Variants in SLC39A9 observed in about 807,000 individuals in gnomAD.
SLC39A9 encodes the protein zinc transporter ZIP9.
SLC39A9 carries 14 observed loss-of-function variants against 28.4 expected under a neutral mutation model. The ratio of observed to expected loss-of-function variants is 0.49; its 90% CI spans 0.33 to 0.77. SLC39A9 has a LOEUF of 0.77. Ranked by LOEUF, SLC39A9 falls within the 30% of genes least tolerant of loss-of-function variation. The pLI is 0.02. For missense variants in SLC39A9, 283 were observed against 381.1 expected, an observed-to-expected ratio of 0.74 and a Z score of 2.14; for synonymous variants, 119 against 149.6, an observed-to-expected ratio of 0.80 and a Z score of 1.49.
chr14:69,446,235 G>A (rs545893766), intron 3 of SLC39A9, among the ~76,000 whole-genome samples: 5 of 151,136 alleles, frequency 3.3e-5, no homozygotes, highest in East Asian at 1.9e-4. Context: ...TATTGGACTC[G>A]GGATTTCTAA....
chr14:69,450,107 T>G (rs1885533020), intron 3 of SLC39A9, among the ~76,000 whole-genome samples: 1 of 152,036 alleles, frequency 6.6e-6, no homozygotes, highest in Non-Finnish European at 1.5e-5. Context: ...AAGAATCGCT[T>G]GAACCTGGGA....
At chr14:69,424,030 C>T (rs992680685) in intron 1 of SLC39A9, 64 bp from the exon 2 acceptor site, 4 of 1,212,724 alleles carry the variant, frequency 3.3e-6, no homozygotes, top group South Asian at 1.3e-5. Context: ...ATTACAGATA[C>T]TTGAGAAACT....
intron 2 of SLC39A9, among the ~76,000 whole-genome samples, chr14:69,426,524 A>G (rs1884200790): frequency 1.3e-5 from 2 of 152,250 alleles, no homozygotes; most frequent in African/African-American, 4.8e-5. Context: ...CTCCTGGCAC[A>G]TGGATGAATT....
chr14:69,439,905 A>C (rs1884959263), intron 2 of SLC39A9, among the ~76,000 whole-genome samples: 2 of 152,142 alleles, frequency 1.3e-5, no homozygotes, highest in African/African-American at 4.8e-5. Context: ...ACCTTAATAG[A>C]ACGATCCTAA....
At chr14:69,422,088 G>C (rs1027142104) in intron 1 of SLC39A9, among the ~76,000 whole-genome samples, 1 of 152,096 alleles carries the variant, frequency 6.6e-6, no homozygotes, top group Non-Finnish European at 1.5e-5. Context: ...CTTCTGCGTC[G>C]ATCACACTGG....
intron 2 of SLC39A9, among the ~76,000 whole-genome samples, chr14:69,426,615 GT>G (rs1268518527): frequency 2.0e-5 from 3 of 152,142 alleles, no homozygotes; most frequent in Non-Finnish European, 4.4e-5. Context: ...TTTTATGGAA[GT>G]TTCAAGATGT....
At chr14:69,414,513 G>A (rs983404002) in intron 1 of SLC39A9, among the ~76,000 whole-genome samples, 3 of 152,216 alleles carry the variant, frequency 2.0e-5, no homozygotes, top group Non-Finnish European at 4.4e-5. Flanking sequence ...ATTCGAATTA[G>A]ATCTCTGACC....
chr14:69,442,443 C>T (rs1393387459), intron 3 of SLC39A9, among the ~76,000 whole-genome samples, 177 bp downstream of exon 3: 2 of 152,164 alleles, frequency 1.3e-5, no homozygotes, highest in African/African-American at 2.4e-5. Flanking sequence ...TGGCATGTGG[C>T]GCAAAGAAGT....
chr14:69,459,023 G>C lies in SLC39A9; in HGVS notation c.*430G>C. The C allele has an allele frequency of 1.0e-6, 1 of 991,430 alleles. No individual in the cohort carries two copies. The highest frequency in any genetic ancestry group is 1.7e-5 in the African/African-American group (1 of 57,460). The allele number at this position is 991,430 out of a possible 1,614,324, so 61.4% of individuals were successfully genotyped here. A position where few individuals can be genotyped will look rare whatever the true frequency, so the allele number is the denominator to read the frequency against. On this transcript the variant is annotated 3_prime_UTR_variant, in exon 7 of 7. Transcript: ENST00000336643. ...TACTTTATCCATTGATTTTTAACATGGTTCCCACCATGTAAGACTGGTGCT... is the reference window on the plus strand; with the variant it reads ...TACTTTATCCATTGATTTTTAACATCGTTCCCACCATGTAAGACTGGTGCT...
intron 2 of SLC39A9, among the ~76,000 whole-genome samples, chr14:69,440,228 A>C (rs1286351697): frequency 1.3e-5 from 2 of 152,180 alleles, no homozygotes; most frequent in Admixed American, 6.5e-5. Context: ...ACAGGGTTGC[A>C]GTGAGCCGAT....
chr14:69,455,509 G>A (rs975023180), intron 5 of SLC39A9, among the ~76,000 whole-genome samples: 5 of 151,896 alleles, frequency 3.3e-5, no homozygotes, highest in Non-Finnish European at 2.9e-5. Flanking sequence ...TAGTAGAGAC[G>A]GGGTTTCACC....
intron 1 of SLC39A9, among the ~76,000 whole-genome samples, chr14:69,414,985 C>T (rs998735323): frequency 1.3e-5 from 2 of 152,124 alleles, no homozygotes; most frequent in African/African-American, 4.8e-5. Context: ...TGTATGTAGC[C>T]GCAGTTTATT....
At chr14:69,428,112 T>C (rs557729305) in intron 2 of SLC39A9, among the ~76,000 whole-genome samples, 2 of 152,264 alleles carry the variant, frequency 1.3e-5, no homozygotes, top group South Asian at 4.1e-4. Context: ...ACCCCATCTC[T>C]ACTAAAAATA....
chr14:69,433,278 A>T (rs1209007593), intron 2 of SLC39A9, among the ~76,000 whole-genome samples: 1 of 152,170 alleles, frequency 6.6e-6, no homozygotes, highest in African/African-American at 2.4e-5. Context: ...CTAGACTTGC[A>T]TATACCCACC....
In SLC39A9 at chr14:69,461,317, C is replaced by A; in HGVS notation, c.*2724C>A. ...GTTAAAGAATACTACTGCTCCATTC[C>A]CCTCACTTATTCTCCAGTTAATTGC... On this transcript the variant is annotated 3_prime_UTR_variant, in exon 7 of 7. Coordinates refer to ENST00000336643, the MANE Select transcript of SLC39A9 (RefSeq NM_018375.5). 7.6e-6 allele frequency: 8 copies of A among 1,055,778 alleles called. No homozygotes were observed. The highest frequency in any genetic ancestry group is 8.0e-6 in the Non-Finnish European group (7 of 871,030). 65.4% of individuals were successfully genotyped at this position (1,055,778 alleles called of 1,614,324 possible).
chr14:69,413,297 A>G (rs1317551615), intron 1 of SLC39A9, among the ~76,000 whole-genome samples: 2 of 152,110 alleles, frequency 1.3e-5, no homozygotes, highest in East Asian at 3.9e-4. Context: ...TGGAGCTTGC[A>G]GTGAGCCAAG....
intron 1 of SLC39A9, among the ~76,000 whole-genome samples, chr14:69,413,366 A>AC (rs1883385045): frequency 6.6e-6 from 1 of 152,186 alleles, no homozygotes; most frequent in African/African-American, 2.4e-5. Context: ...AAAAAAAAAA[A>AC]AAATTTTTTT....
chr14:69,450,670 C>T (rs1885559910), intron 3 of SLC39A9, among the ~76,000 whole-genome samples: 1 of 152,102 alleles, frequency 6.6e-6, no homozygotes, highest in African/African-American at 2.4e-5. Flanking sequence ...CACAGCTACT[C>T]AGGTGGCTGA....
chr14:69,448,526 C>A (rs1594945733), intron 3 of SLC39A9, among the ~76,000 whole-genome samples: 2 of 151,900 alleles, frequency 1.3e-5, no homozygotes, highest in East Asian at 3.9e-4. Flanking sequence ...GACATACACA[C>A]AAAAGTTTTT....
Sources: allele counts gnomAD v4.1 joint callset (sites outside exome capture counted in the v4.1 genomes callset), GRCh38; gene constraint gnomAD v4.1.1; transcripts MANE v1.5; gene names NCBI Gene and HGNC (gene_info 2026-07-23, HGNC 2026-07-21).